FAM222B: variants seen among roughly 807,000 people sequenced by gnomAD.
The protein encoded by FAM222B is family with sequence similarity 222 member B, also known as protein FAM222B.
In FAM222B, 12 loss-of-function variants were observed where a neutral mutation model predicts 38.0. That is an observed-to-expected ratio of 0.32 (90% CI 0.20 to 0.51). The LOEUF is 0.51. Ranked by LOEUF, FAM222B falls within the 20% of genes least tolerant of loss-of-function variation. The probability of loss-of-function intolerance (pLI) is 0.97; values close to 1 mark genes in which losing one functional copy is unlikely to be tolerated. For missense variants in FAM222B, 716 were observed against 754.2 expected, an observed-to-expected ratio of 0.95 and a Z score of 0.59; for synonymous variants, 329 against 317.2, an observed-to-expected ratio of 1.04 and a Z score of -0.40.
chr17:28,803,479 T>G (rs2151907188), intron 1 of FAM222B, among the ~76,000 whole-genome samples: 1 of 151,998 alleles, frequency 6.6e-6, no homozygotes, highest in Admixed American at 6.6e-5. Context: ...CTAATTTTTT[T>G]ATAGAGAGGG....
chr17:28,846,887 G>A (rs1460271094), upstream of FAM222B, among the ~76,000 whole-genome samples: 2 of 151,852 alleles, frequency 1.3e-5, no homozygotes, highest in East Asian at 3.9e-4. Context: ...AGGAGTTCGT[G>A]ACCAGCCTGG....
upstream of FAM222B, among the ~76,000 whole-genome samples, chr17:28,843,068 C>A (rs1451065256): frequency 6.6e-6 from 1 of 152,096 alleles, no homozygotes; most frequent in Non-Finnish European, 1.5e-5. Flanking sequence ...TTCCAGAATT[C>A]TGCATCCTAC....
At chr17:28,760,065 T>TA (rs1222364849) in intron 2 of FAM222B, among the ~76,000 whole-genome samples, 189 bp from the exon 3 acceptor site, 1 of 152,214 alleles carries the variant, frequency 6.6e-6, no homozygotes, top group East Asian at 1.9e-4. Flanking sequence ...TAATGTTCAG[T>TA]AAGTGCTTAT....
upstream of FAM222B, among the ~76,000 whole-genome samples, chr17:28,845,543 ACTC>A (rs1390072529): frequency 6.6e-6 from 1 of 151,520 alleles, no homozygotes; most frequent in African/African-American, 2.4e-5. Flanking sequence ...GCGCCACTGC[ACTC>A]CAGCCTTGGC....
intron 1 of FAM222B, among the ~76,000 whole-genome samples, chr17:28,798,637 C>T (rs940095601): frequency 2.0e-4 from 24 of 122,724 alleles, no homozygotes; most frequent in Non-Finnish European, 4.0e-4. Context: ...CACTTGCACC[C>T]CCTTTTTTTT....
intron 2 of FAM222B, among the ~76,000 whole-genome samples, chr17:28,760,097 G>C (rs1347121796): frequency 6.6e-6 from 1 of 152,232 alleles, no homozygotes; most frequent in Non-Finnish European, 1.5e-5. Flanking sequence ...CCTTCTGCCA[G>C]ATGACAGGCC....
rs781275949 is a variant in FAM222B at position 28,759,718 on chromosome 17, G to C, written c.241C>G (p.Leu81Val). The C allele has an allele frequency of 1.9e-6, 3 of 1,613,690 alleles. No homozygotes were observed. The highest frequency in any genetic ancestry group is 2.5e-6 in the Non-Finnish European group (3 of 1,179,842). ...RKHVRRTVNG[L>V]DTSAQRYSPY... Reference sequence around the variant, plus strand: ...CTGTAGCGCTGGGCTGATGTGTCGAGGCCGTTCACAGTACGACGAACGTGT... The same window carrying C: ...CTGTAGCGCTGGGCTGATGTGTCGACGCCGTTCACAGTACGACGAACGTGT... Residue 81 changes from leucine (L) to valine (V), a missense_variant, in exon 3 of 3, where the codon CTC becomes GTC. Coordinates refer to ENST00000581407, the MANE Select transcript of FAM222B (RefSeq NM_001077498.3). This position sits in a 1 kb window ranked among gnomAD's most constrained non-coding sequence, Gnocchi z 4.8.
intron 1 of FAM222B, among the ~76,000 whole-genome samples, chr17:28,814,963 G>A (rs1035781180): frequency 2.7e-5 from 4 of 150,014 alleles, no homozygotes; most frequent in African/African-American, 4.9e-5. Flanking sequence ...TAGTAGAAAC[G>A]GGGTTTCACC....
At chr17:28,810,296 C>A (rs1243057886) in intron 1 of FAM222B, among the ~76,000 whole-genome samples, 3 of 152,140 alleles carry the variant, frequency 2.0e-5, no homozygotes, top group Non-Finnish European at 4.4e-5. Context: ...CGCCTTCCAA[C>A]TGGTTTTTTT....
chr17:28,831,872 G>A (rs190528818), intron 1 of FAM222B, among the ~76,000 whole-genome samples: 11 of 152,146 alleles, frequency 7.2e-5, no homozygotes, highest in Admixed American at 5.9e-4. Context: ...GTAGGGGTTA[G>A]CTTCCTAGAT....
chr17:28,846,577 G>C (rs144827475), upstream of FAM222B, among the ~76,000 whole-genome samples: 1 of 151,992 alleles, frequency 6.6e-6, no homozygotes, highest in Admixed American at 6.6e-5. Flanking sequence ...GCTGAAGAGC[G>C]AGGATTGCTT....
intron 1 of FAM222B, among the ~76,000 whole-genome samples, chr17:28,791,979 C>A (rs568298342): frequency 1.3e-5 from 2 of 151,254 alleles, no homozygotes; most frequent in South Asian, 4.2e-4. Flanking sequence ...GAATTTGAGA[C>A]CACCCTGGAT....
At chr17:28,802,034 A>C (rs1373923947) in intron 1 of FAM222B, among the ~76,000 whole-genome samples, 1 of 151,936 alleles carries the variant, frequency 6.6e-6, no homozygotes, top group Non-Finnish European at 1.5e-5. Flanking sequence ...AAAAAGAAAA[A>C]GAAAAAAAGT....
chr17:28,762,863 C>T (rs1450524442), intron 2 of FAM222B, among the ~76,000 whole-genome samples: 1 of 147,412 alleles, frequency 6.8e-6, no homozygotes, highest in South Asian at 2.2e-4. Context: ...TGCTTAAACC[C>T]GGGAGGCAGG....
chr17:28,835,686 G>T (rs1365780446), intron 1 of FAM222B, among the ~76,000 whole-genome samples: 1 of 151,912 alleles, frequency 6.6e-6, no homozygotes, highest in African/African-American at 2.4e-5. Flanking sequence ...TTTAAATAGG[G>T]TCTCACTCTG....
chr17:28,795,844 A>C (rs2036915907), intron 1 of FAM222B, among the ~76,000 whole-genome samples: 1 of 152,204 alleles, frequency 6.6e-6, no homozygotes, highest in Non-Finnish European at 1.5e-5. Context: ...AAATTAGCAT[A>C]TATTGCTATG....
At chr17:28,767,280 C>G (rs976389252) in intron 1 of FAM222B, among the ~76,000 whole-genome samples, 4 of 152,074 alleles carry the variant, frequency 2.6e-5, no homozygotes, top group African/African-American at 7.2e-5. Flanking sequence ...TTCAGCCTCC[C>G]GAGTAGCTGG....
intron 1 of FAM222B, among the ~76,000 whole-genome samples, chr17:28,771,302 G>A (rs576149533): frequency 6.6e-6 from 1 of 152,252 alleles, no homozygotes; most frequent in East Asian, 1.9e-4. Flanking sequence ...AGTATGATTA[G>A]TCTTTTTACC....
intron 1 of FAM222B, among the ~76,000 whole-genome samples, chr17:28,791,952 T>C (rs2151874108): frequency 6.6e-6 from 1 of 151,118 alleles, no homozygotes; most frequent in East Asian, 2.0e-4. Context: ...GAACCACCTG[T>C]GCCTGGCCAT....
Sources: gnomAD v4.1 joint callset for allele counts (sites outside exome capture counted in the v4.1 genomes callset) on GRCh38, gnomAD v4.1.1 for gene constraint, Gnocchi (gnomAD v3.1) non-coding constraint, MANE v1.5 for transcripts, NCBI Gene and HGNC (gene_info 2026-07-23, HGNC 2026-07-21) for gene names.